The following SH2B1 variants were observed in gnomAD, a reference collection of about 807,000 sequenced individuals.
The protein encoded by SH2B1 is SH2B adapter protein 1.
A neutral mutation model predicts 62.6 loss-of-function variants in SH2B1; 15 were observed. The observed-to-expected ratio is 0.24, with a 90% CI of 0.16 to 0.37. SH2B1 has a LOEUF of 0.37. SH2B1 is among the 10% of genes least tolerant of loss of function. The pLI, the probability that SH2B1 is intolerant of heterozygous loss-of-function variation, is 1.00. For missense variants in SH2B1, 925 were observed against 1,015.6 expected, an observed-to-expected ratio of 0.91 and a Z score of 1.21; for synonymous variants, 443 against 438.0, an observed-to-expected ratio of 1.01 and a Z score of -0.14.
At chr16:28,862,580 G>C (rs998864990), upstream of SH2B1, 2 of 148,304 alleles carry the variant, frequency 1.3e-5, no homozygotes, top group Non-Finnish European at 3.0e-5. Flanking sequence ...GATTACAGGC[G>C]TGAGCCACTG....
intron 1 of SH2B1, among the ~76,000 whole-genome samples, chr16:28,852,218 T>C (rs1410173506): frequency 2.9e-5 from 2 of 68,868 alleles, no homozygotes; most frequent in African/African-American, 1.7e-4. Context: ...ATATATATAT[T>C]TACATATATA....
intron 1 of SH2B1, 81 bp from the exon 2 acceptor site, chr16:28,867,250 G>T: frequency 7.7e-7 from 1 of 1,295,416 alleles, no homozygotes; most frequent in East Asian, 2.3e-5. Flanking sequence ...GGATGTAGAA[G>T]GAAAGATGAA....
rs762525063 is a variant in SH2B1 at position 28,872,651 on chromosome 16, G to A, written c.1843G>A (p.Gly615Ser). 1 of 1,614,198 alleles carries A rather than the reference G, an allele frequency of 6.2e-7. No individual in the cohort carries two copies. ...GCACCCCATCCCTTTGGAGTCGGGA[G>A]GCTCCAGTGATGTTGTCCTTGTCAG... Reference protein sequence around the residue: ...RVHPIPLESGGSSDVVLVSYV... With the variant: ...RVHPIPLESGSSSDVVLVSYV... The change falls in exon 7 of 8, where the codon GGC (glycine) becomes AGC (serine). Residue 615 changes from glycine (G) to serine (S), a missense_variant. Gly to Ser is a moderately conservative substitution (Grantham distance 56, BLOSUM62 0). Around this residue, in one of 3 missense-constraint regions of SH2B1, gnomAD observed 185 missense variants for 189.5 expected, o/e 0.98. Transcript: ENST00000684370. This position sits in a 1 kb window ranked among gnomAD's most constrained non-coding sequence, Gnocchi z 5.3.
At chr16:28,871,636 A>C (rs1963041870) in intron 4 of SH2B1, 144 bp from the exon 5 acceptor site, 1 of 690,046 alleles carries the variant, frequency 1.4e-6, no homozygotes, top group Admixed American at 2.6e-5. Context: ...TGGTAAAAGC[A>C]TCAGGGGTCA....
At chr16:28,852,851 T>A (rs1962198859) in intron 1 of SH2B1, among the ~76,000 whole-genome samples, 3 of 53,978 alleles carry the variant, frequency 5.6e-5, no homozygotes, top group Non-Finnish European at 1.1e-4. Context: ...CATATATATA[T>A]TTTTATATAT....
intron 4 of SH2B1, among the ~76,000 whole-genome samples, chr16:28,870,235 G>A (rs1047272960): frequency 7.2e-5 from 11 of 152,206 alleles, no homozygotes; most frequent in Non-Finnish European, 1.6e-4. Flanking sequence ...CCAGGATGGG[G>A]TAGCTAGGAT....
Position 28,852,769 on chromosome 16 carries a change from TTTA to T in SH2B1, c.-301+5944_-301+5946del. On this transcript the variant is annotated intron_variant, in intron 1 of 10. Transcript: ENST00000322610. Reference sequence around the variant, plus strand: ...ATTTACATATATATGTATATATATATTTATATATATATTTACATATATATTTAC... The same window carrying T: ...ATTTACATATATATGTATATATATATTATATATATTTACATATATATTTAC... Among the ~76,000 whole-genome samples the T allele has an allele frequency of 2.8e-5, 2 of 71,698 alleles. 1 individual carries two copies. Among genetic ancestry groups the T allele is most frequent in the Non-Finnish European group, 4.9e-5 (2 of 41,162 alleles). The allele number at this position is 71,698 out of a possible 152,430, so 47.0% of individuals were successfully genotyped here.
Position 28,864,655 on chromosome 16 carries a change from GTC to G in SH2B1, c.-1439_-1438del. 1.0e-6 allele frequency: 1 copy of G among 985,422 alleles called. No homozygotes were observed. The highest frequency in any genetic ancestry group is 1.1e-4 in the East Asian group (1 of 8,854). The allele number at this position is 985,422 out of a possible 1,614,324, so 61.0% of individuals were successfully genotyped here. ...GCTTTCCTGAGCTGCTCTGGCCCCA[GTC>G]CTGGGGCTGTCACCTTCCAGTATTG... On this transcript the variant is annotated 5_prime_UTR_variant, in exon 1 of 8. Coordinates refer to ENST00000684370, the MANE Select transcript of SH2B1 (RefSeq NM_001387430.1).
intron 1 of SH2B1, among the ~76,000 whole-genome samples, chr16:28,850,567 A>G (rs750206111): frequency 1.0e-4 from 15 of 150,086 alleles, no homozygotes; most frequent in Non-Finnish European, 2.1e-4. Flanking sequence ...CCACGTCTCT[A>G]AAACAAAAAG....
intron 1 of SH2B1, among the ~76,000 whole-genome samples, chr16:28,853,099 TA>T: frequency 1.6e-5 from 2 of 124,402 alleles, no homozygotes; most frequent in African/African-American, 6.3e-5. Flanking sequence ...TATACATATA[TA>T]TTTATATATA....
chr16:28,849,241 A>G (rs1962047584), intron 1 of SH2B1, among the ~76,000 whole-genome samples: 1 of 152,070 alleles, frequency 6.6e-6, no homozygotes, highest in South Asian at 2.1e-4. Flanking sequence ...GATTACAAGC[A>G]TACACCACCA....
chr16:28,852,015 C>T (rs1290312746), intron 1 of SH2B1, among the ~76,000 whole-genome samples: 2 of 148,100 alleles, frequency 1.4e-5, no homozygotes, highest in Non-Finnish European at 3.0e-5. Flanking sequence ...TGCAGTGAGC[C>T]GAGATTGTGC....
Position 28,869,290 on chromosome 16 carries a change from AGCCTGGAGCTGTCCT to A in SH2B1, c.1222_1236del (p.Glu408_Leu412del). On this transcript the variant is annotated inframe_deletion, in exon 4 of 8. Transcript: ENST00000684370. ...ATTCCTTACAAGGGAGAACACAGAC[AGCCTGGAGCTGTCCT>A]GCCTGAATCACTCGGAGAGTCTACC... 1.9e-6 allele frequency: 3 copies of A among 1,614,118 alleles called. No individual in the cohort carries two copies. The highest frequency in any genetic ancestry group is 2.5e-6 in the Non-Finnish European group (3 of 1,180,016).
chr16:28,851,388 C>G (rs1478074975), intron 1 of SH2B1, among the ~76,000 whole-genome samples: 2 of 151,832 alleles, frequency 1.3e-5, no homozygotes, highest in Non-Finnish European at 2.9e-5. Flanking sequence ...GGGATCATCT[C>G]TCATCCAGGT....
chr16:28,852,343 C>T lies in SH2B1; in HGVS notation c.-301+5516C>T, dbSNP rs188159276. ...ATATATATATTTACATATATATTTA[C>T]ATATATATTTATATATATATTTATA... On this transcript the variant is annotated intron_variant, in intron 1 of 10. Coordinates refer to the SH2B1 transcript ENST00000322610. 3.7e-3 allele frequency among the ~76,000 whole-genome samples: 109 copies of T among 29,510 alleles called. 7 individuals are homozygous for T. Among genetic ancestry groups the T allele is most frequent in the African/African-American group, 0.013 (87 of 6,900 alleles). 19.4% of individuals were successfully genotyped at this position (29,510 alleles called of 152,430 possible).
intron 1 of SH2B1, among the ~76,000 whole-genome samples, chr16:28,848,046 G>C (rs1341840919): frequency 2.0e-5 from 3 of 151,654 alleles, no homozygotes; most frequent in Admixed American, 1.3e-4. Context: ...GACGGCTCTC[G>C]AACTCCAGAC....
chr16:28,863,960 G>T lies in SH2B1; in HGVS notation c.-2135G>T. ...CCGAGATGCAGGTGGGACCGGAACC[G>T]GAACCCCCCTCTTCAAGTACCTTTT... On this transcript the variant is annotated 5_prime_UTR_variant, in exon 1 of 8. Transcript: ENST00000684370. The T allele has an allele frequency of 6.9e-7, 1 of 1,449,946 alleles. No homozygotes were observed. Among genetic ancestry groups the T allele is most frequent in the Admixed American group, 2.7e-5 (1 of 36,858 alleles). 89.8% of individuals were successfully genotyped at this position (1,449,946 alleles called of 1,614,324 possible).
upstream of SH2B1, chr16:28,846,649 G>A (rs1961977167): frequency 3.9e-6 from 1 of 257,320 alleles, no homozygotes. Context: ...GATCAGAGTG[G>A]GAGTCAGGCG....
In SH2B1 at chr16:28,872,191, G is replaced by T; in HGVS notation, c.1515G>T (p.Gly505=). Residue 505 remains glycine (G), a splice_region_variant and synonymous_variant, in exon 6 of 8, where the codon GGG becomes GGT. Coordinates refer to ENST00000684370, the MANE Select transcript of SH2B1 (RefSeq NM_001387430.1). The surrounding 1 kb of genome is among the most constrained non-coding windows in gnomAD (Gnocchi z 5.3). The part of the protein sequence containing the change: ...PPLDTPETAT[G]SFLFQGEPEG... ...TCCCTCCCTCTCTCCTTCCTGAAGGGTCCTTCCTGTTCCAGGGGGAGCCAG... is the reference window on the plus strand; with the variant it reads ...TCCCTCCCTCTCTCCTTCCTGAAGGTTCCTTCCTGTTCCAGGGGGAGCCAG... 6.2e-7 allele frequency: 1 copy of T among 1,612,378 alleles called. No individual in the cohort carries two copies. The highest frequency in any genetic ancestry group is 8.5e-7 in the Non-Finnish European group (1 of 1,179,148).
Sources: allele counts gnomAD v4.1 joint callset (sites outside exome capture counted in the v4.1 genomes callset), GRCh38; gene constraint gnomAD v4.1.1; regional missense constraint gnomAD v4.1.1; non-coding constraint Gnocchi (gnomAD v3.1); transcripts MANE v1.5; gene names NCBI Gene and HGNC (gene_info 2026-07-23, HGNC 2026-07-21).